FLT4: variants seen among roughly 807,000 people sequenced by gnomAD.
FLT4 encodes fms related receptor tyrosine kinase 4, also known as vascular endothelial growth factor receptor 3.
FLT4 carries 30 observed loss-of-function variants against 163.2 expected under a neutral mutation model. That is an observed-to-expected ratio of 0.18 (90% confidence interval 0.14 to 0.25). FLT4 has a LOEUF of 0.25. FLT4 is among the 10% of genes least tolerant of loss of function. The pLI is 1.00. For synonymous variants in FLT4, 884 were observed against 789.5 expected (o/e 1.12, Z -2.01); for missense variants, 1,510 against 1,863.8 (o/e 0.81, Z 3.50).
chr5:180,621,482 G>T, intron 13 of FLT4, 60 bp downstream of exon 13: 1 of 1,592,028 alleles, frequency 6.3e-7, no homozygotes, highest in Admixed American at 1.7e-5. Context: ...CCGGGGCAAA[G>T]GCAGAGGCAG....
At chr5:180,616,046 G>GC (rs534567019) in intron 23 of FLT4, among the ~76,000 whole-genome samples, 1 of 2,512 alleles carries the variant, frequency 4.0e-4, no homozygotes, top group African/African-American at 7.1e-4. Context: ...GGAGCACTGG[G>GC]CCTGCCGGTC....
chr5:180,603,497 A>G (rs1265546551), intron 29 of FLT4, 107 bp from the exon 30 acceptor site: 3 of 1,003,796 alleles, frequency 3.0e-6, no homozygotes, highest in Admixed American at 2.0e-5. Flanking sequence ...GGATGGCTTC[A>G]GGCCAGGAGT....
chr5:180,624,659 C>T lies in FLT4; in HGVS notation c.1422-598G>A, dbSNP rs145599663. On this transcript the variant is annotated intron_variant, in intron 10 of 29. Coordinates refer to ENST00000261937, the MANE Select transcript of FLT4 (RefSeq NM_182925.5). ...TGCACTCTGTCCCGCTTCTCTGTGC[C>T]CCTTCCTGCAGAGGCCACCTGGGAT... Among the ~76,000 whole-genome samples the T allele has an allele frequency of 3.4e-3, 523 of 152,370 alleles. 4 individuals carry two copies. Among genetic ancestry groups the T allele is most frequent in the African/African-American group, 0.012 (498 of 41,582 alleles).
intron 1 of FLT4, among the ~76,000 whole-genome samples, chr5:180,644,072 C>A (rs1765340736): frequency 6.6e-6 from 1 of 152,224 alleles, no homozygotes; most frequent in South Asian, 2.1e-4. Context: ...CCGCCTTGGC[C>A]TCCCGAAGTG....
rs371544933 is a variant in FLT4, at chr5:180,629,275, G to A, written c.969C>T (p.Thr323=). The A allele has an allele frequency of 4.2e-5, 68 of 1,612,976 alleles. No homozygotes were observed. Among genetic ancestry groups the A allele is most frequent in the African/African-American group, 6.7e-5 (5 of 74,940 alleles). Residue 323 remains threonine (T), a synonymous_variant, in exon 7 of 30, where the codon ACC becomes ACT. Coordinates refer to ENST00000261937, the MANE Select transcript of FLT4 (RefSeq NM_182925.5). The part of the protein sequence containing the change: ...NNGIQRFRES[T]EVIVHENPFI... ...AGGCCATACCATGCACAATGACCTC[G>A]GTGCTCTCCCGAAATCGCTGGATGC...
At chr5:180,631,420 C>G (rs900578916) in intron 2 of FLT4, among the ~76,000 whole-genome samples, 2 of 151,066 alleles carry the variant, frequency 1.3e-5, no homozygotes, top group African/African-American at 4.9e-5. Context: ...TTGCAGTGAG[C>G]CGAGATCGCA....
At chr5:180,634,428 C>T (rs953275195) in intron 1 of FLT4, among the ~76,000 whole-genome samples, 31 of 152,094 alleles carry the variant, frequency 2.0e-4, no homozygotes, top group Admixed American at 1.4e-3. Context: ...ATGGGCCAGG[C>T]GTGGTGGCTC....
In FLT4 at chr5:180,649,328, G is replaced by A. The variant is rs1016110323; in HGVS notation, c.58+160C>T. Among the ~76,000 whole-genome samples, 77 of 151,830 alleles carry A rather than the reference G, an allele frequency of 5.1e-4. No individual in the cohort carries two copies. In the East Asian group the frequency reaches 0.012, roughly 25 times the overall value. On this transcript the variant is annotated intron_variant, in intron 1 of 29. Coordinates refer to ENST00000261937, the MANE Select transcript of FLT4 (RefSeq NM_182925.5). The stretch of plus-strand genomic sequence containing the variant: ...CGCCCCTTCCTCATCCCGAGGTCCC[G>A]CGCCCCAAGCGCCGTGCTCCCCTCA...
intron 2 of FLT4, among the ~76,000 whole-genome samples, chr5:180,631,422 G>A (rs546743263): frequency 2.1e-4 from 32 of 152,052 alleles, no homozygotes; most frequent in South Asian, 1.0e-3. Flanking sequence ...GCAGTGAGCC[G>A]AGATCGCACC....
At chr5:180,609,520 A>G in intron 28 of FLT4, 3 of 355,254 alleles carry the variant, frequency 8.4e-6, no homozygotes, top group Non-Finnish European at 1.6e-5. Context: ...GTCCCCCAAC[A>G]TCTCCAAGTG....
chr5:180,612,628 GCT>G lies in FLT4; in HGVS notation c.3432-19_3432-18del. ...ATGCGGCGTCTGCAGGATCACGTGGGCTGCTGGACTGCATGCACCCCACCCCC... is the reference window on the plus strand; with the variant it reads ...ATGCGGCGTCTGCAGGATCACGTGGGGCTGGACTGCATGCACCCCACCCCC... On this transcript the variant is annotated intron_variant, in intron 25 of 29. Transcript: ENST00000261937. 6.3e-7 allele frequency: 1 copy of G among 1,590,736 alleles called. No homozygotes were observed. Among genetic ancestry groups the G allele is most frequent in the Non-Finnish European group, 8.6e-7 (1 of 1,158,618 alleles).
At chr5:180,616,621 A>G in intron 22 of FLT4, 132 bp from the exon 23 acceptor site, 1 of 1,006,302 alleles carries the variant, frequency 9.9e-7, no homozygotes, top group Non-Finnish European at 1.5e-6. Context: ...CCTTTGGGGA[A>G]GGATTCCCAT....
intron 10 of FLT4, 48 bp from the exon 11 acceptor site, chr5:180,624,109 AGGGCCCACAT>A (rs762919104): frequency 1.6e-5 from 25 of 1,604,278 alleles, no homozygotes; most frequent in Non-Finnish European, 2.0e-5. Context: ...ACAGGCAGGA[AGGGCCCACAT>A]GGGGGGCGGG....
rs1364001501 is a variant in FLT4 at position 180,623,948 on chromosome 5, T to C, written c.1535A>G (p.Glu512Gly). ...ESLDTWTEFVEGKNKTVSKLV... is the reference protein window; with the variant it reads ...ESLDTWTEFVGGKNKTVSKLV... ...GCTGGCCTGTACCTTATTCTTTCCC[T>C]CCACAAACTCGGTCCAGGTGTCCAG... The change falls in exon 11 of 30, where the codon GAG (glutamate) becomes GGG (glycine). Residue 512 changes from glutamate to glycine, a missense_variant. Glu to Gly is a moderately conservative substitution (Grantham distance 98). This residue lies in a region of FLT4 where 878 missense variants were observed against 1,016.7 expected (regional missense o/e 0.86). Transcript: ENST00000261937. The surrounding 1 kb of genome is among the most constrained non-coding windows in gnomAD (Gnocchi z 5.8). The C allele has an allele frequency of 6.2e-7, 1 of 1,613,540 alleles. No individual in the cohort carries two copies. Among genetic ancestry groups the C allele is most frequent in the Admixed American group, 1.7e-5 (1 of 60,024 alleles).
intron 23 of FLT4, among the ~76,000 whole-genome samples, chr5:180,615,311 C>T (rs1213682562): frequency 6.6e-6 from 1 of 150,894 alleles, no homozygotes; most frequent in Non-Finnish European, 1.5e-5. Context: ...CGGTCACCTC[C>T]CTTCTCCACT....
At chr5:180,643,713 G>A (rs973519907) in intron 1 of FLT4, among the ~76,000 whole-genome samples, 3 of 152,010 alleles carry the variant, frequency 2.0e-5, no homozygotes, top group Non-Finnish European at 2.9e-5. Flanking sequence ...CACCTCTGAC[G>A]TCTGAGCTGC....
intron 29 of FLT4, among the ~76,000 whole-genome samples, chr5:180,606,524 T>C (rs1761792894): frequency 6.6e-6 from 1 of 152,098 alleles, no homozygotes; most frequent in African/African-American, 2.4e-5. Flanking sequence ...TTCCACGGAG[T>C]CTGTCTCCTA....
chr5:180,603,326 G>A lies in FLT4; in HGVS notation c.3958C>T (p.Arg1320Trp), dbSNP rs150279372. Residue 1320 changes from arginine (R) to tryptophan (W), a missense_variant, in exon 30 of 30, where the codon CGG becomes TGG. Arg to Trp is a moderately radical substitution (Grantham distance 101, BLOSUM62 -3). This residue lies in a region of FLT4 where 295 missense variants were observed against 311.0 expected (regional missense o/e 0.95). Transcript: ENST00000261937. The part of the protein sequence containing the change: ...RAHPDSQGRR[R>W]RPERGARGGQ... ...CCTCGGGCCCCCCGCTCAGGCCGCCGCCGCCTCCCTTGGGAGTCAGGGTGT... is the reference window on the plus strand; with the variant it reads ...CCTCGGGCCCCCCGCTCAGGCCGCCACCGCCTCCCTTGGGAGTCAGGGTGT... 654 of 1,613,752 alleles carry A rather than the reference G, an allele frequency of 4.1e-4. 2 individuals carry two copies. The highest frequency in any genetic ancestry group is 1.9e-3 in the South Asian group (171 of 91,012).
At chr5:180,604,676 CT>C (rs1309830432) in intron 29 of FLT4, among the ~76,000 whole-genome samples, 1 of 152,182 alleles carries the variant, frequency 6.6e-6, no homozygotes, top group Admixed American at 6.5e-5. Context: ...CGCTCACTTT[CT>C]TTGCATTTTT....
Sources: allele counts gnomAD v4.1 joint callset (sites outside exome capture counted in the v4.1 genomes callset), GRCh38; gene constraint gnomAD v4.1.1; regional missense constraint gnomAD v4.1.1; non-coding constraint Gnocchi (gnomAD v3.1); transcripts MANE v1.5; gene names NCBI Gene and HGNC (gene_info 2026-07-23, HGNC 2026-07-21).